Variants in RNF152 observed in about 807,000 individuals in gnomAD.
RNF152 encodes the protein ring finger protein 152.
In RNF152, 11 loss-of-function variants were observed where a neutral mutation model predicts 12.7. The ratio of observed to expected loss-of-function variants is 0.86; its 90% confidence interval spans 0.54 to 1.43. RNF152 has a LOEUF of 1.43. Among genes scored for constraint, RNF152 ranks in the 40% most tolerant of loss-of-function variants. RNF152 has a pLI of 0.00. For missense variants in RNF152, 255 were observed against 274.8 expected, an observed-to-expected ratio of 0.93 and a Z score of 0.51; for synonymous variants, 113 against 120.3, an observed-to-expected ratio of 0.94 and a Z score of 0.40.
intron 1 of RNF152, among the ~76,000 whole-genome samples, chr18:61,842,862 C>A (rs539976716): frequency 6.6e-6 from 1 of 152,126 alleles, no homozygotes; most frequent in Non-Finnish European, 1.5e-5. Context: ...AAGAACAGCA[C>A]GGGAAAGACC....
At chr18:61,829,982 C>T (rs1163724445) in intron 1 of RNF152, among the ~76,000 whole-genome samples, 1 of 151,676 alleles carries the variant, frequency 6.6e-6, no homozygotes, top group Non-Finnish European at 1.5e-5. Context: ...CTTTAAGTCA[C>T]CATCATGTGT....
intron 1 of RNF152, among the ~76,000 whole-genome samples, chr18:61,820,477 G>GTGCACAGACAGCA (rs1269741858): frequency 5.3e-5 from 8 of 151,178 alleles, no homozygotes; most frequent in Non-Finnish European, 8.8e-5. Context: ...CCAGGTGAAA[G>GTGCACAGACAGCA]TGCACAGACA....
chr18:61,850,934 G>A (rs566084944), intron 1 of RNF152, among the ~76,000 whole-genome samples: 1 of 152,060 alleles, frequency 6.6e-6, no homozygotes, highest in East Asian at 1.9e-4. Context: ...ACACGGAAAT[G>A]CCCAGTCATC....
chr18:61,870,199 G>C (rs1175262190), intron 1 of RNF152, among the ~76,000 whole-genome samples: 1 of 152,158 alleles, frequency 6.6e-6, no homozygotes, highest in East Asian at 1.9e-4. Context: ...TGTCGGGATG[G>C]GGGTGTGGAA....
At chr18:61,874,196 A>C (rs537757475) in intron 1 of RNF152, among the ~76,000 whole-genome samples, 1 of 152,376 alleles carries the variant, frequency 6.6e-6, no homozygotes, top group Non-Finnish European at 1.5e-5. Context: ...AAAATGACAT[A>C]ATAATTTCCC....
At chr18:61,846,342 A>T (rs1344945055) in intron 1 of RNF152, among the ~76,000 whole-genome samples, 2 of 152,166 alleles carry the variant, frequency 1.3e-5, no homozygotes, top group African/African-American at 2.4e-5. Flanking sequence ...ACAGTCTCTT[A>T]TTACCAAATA....
At chr18:61,825,033 T>C (rs528529737) in intron 1 of RNF152, among the ~76,000 whole-genome samples, 1 of 152,098 alleles carries the variant, frequency 6.6e-6, no homozygotes, top group Admixed American at 6.5e-5. Flanking sequence ...AACTGACAAA[T>C]CAAGCACACA....
intron 1 of RNF152, among the ~76,000 whole-genome samples, chr18:61,884,190 CT>C (rs1912589225): frequency 6.6e-6 from 1 of 151,834 alleles, no homozygotes; most frequent in Non-Finnish European, 1.5e-5. Context: ...CTCTCCTGTT[CT>C]TACACTAACT....
intron 1 of RNF152, among the ~76,000 whole-genome samples, chr18:61,840,085 C>T (rs1050249733): frequency 3.3e-5 from 5 of 152,092 alleles, no homozygotes; most frequent in Admixed American, 6.5e-5. Context: ...CCCATGGGCA[C>T]AGCTAGAAAA....
upstream of RNF152, chr18:61,894,260 C>T (rs1182194125): frequency 1.3e-5 from 2 of 150,196 alleles, no homozygotes; most frequent in African/African-American, 4.9e-5. This position sits in a 1 kb window ranked among gnomAD's most constrained non-coding sequence, Gnocchi z 4.9. Context: ...GCGCCCCGGG[C>T]CGGCGGCCGC....
intron 1 of RNF152, among the ~76,000 whole-genome samples, chr18:61,821,767 T>C (rs946593651): frequency 3.3e-5 from 5 of 152,230 alleles, no homozygotes; most frequent in East Asian, 3.8e-4. Flanking sequence ...AGATCAGCGA[T>C]GGCATTAGAT....
rs1912857544 is a variant in RNF152, at chr18:61,809,553, T to C, written c.*6299A>G. On this transcript the variant is annotated 3_prime_UTR_variant, in exon 2 of 2. Coordinates refer to ENST00000312828, the MANE Select transcript of RNF152 (RefSeq NM_173557.3). The stretch of plus-strand genomic sequence containing the variant: ...ACACCCCAAGGAGATTACAGAAGAC[T>C]TTCACATGGGCTACTAGCCCTACAT... The C allele has an allele frequency of 6.6e-6, 1 of 152,162 alleles. No individual in the cohort carries two copies. Among genetic ancestry groups the C allele is most frequent in the Non-Finnish European group, 1.5e-5 (1 of 68,024 alleles). 9.4% of individuals were successfully genotyped at this position (152,162 alleles called of 1,614,324 possible).
chr18:61,833,424 C>T (rs1032263234), intron 1 of RNF152, among the ~76,000 whole-genome samples: 1 of 152,178 alleles, frequency 6.6e-6, no homozygotes, highest in Non-Finnish European at 1.5e-5. Flanking sequence ...ATTCACAATG[C>T]CCCACTGCTA....
intron 1 of RNF152, among the ~76,000 whole-genome samples, chr18:61,873,251 A>G (rs1363405430): frequency 6.6e-6 from 1 of 152,264 alleles, no homozygotes; most frequent in African/African-American, 2.4e-5. Context: ...CAAGTATATT[A>G]GCAATTTTTT....
intron 1 of RNF152, among the ~76,000 whole-genome samples, chr18:61,842,437 G>T (rs181062968): frequency 2.8e-4 from 42 of 152,282 alleles, no homozygotes; most frequent in African/African-American, 9.9e-4. Flanking sequence ...CTGGAACAAG[G>T]CTGGCAGCTG....
At chr18:61,851,644 T>C (rs1406559098) in intron 1 of RNF152, among the ~76,000 whole-genome samples, 1 of 152,194 alleles carries the variant, frequency 6.6e-6, no homozygotes, top group Non-Finnish European at 1.5e-5. Flanking sequence ...TGAGACAATA[T>C]AATCCAGACT....
intron 1 of RNF152, among the ~76,000 whole-genome samples, chr18:61,858,791 A>G (rs1911335793): frequency 6.6e-6 from 1 of 152,190 alleles, no homozygotes; most frequent in Non-Finnish European, 1.5e-5. Context: ...TCAGCAACCT[A>G]TTAATTGCCT....
At chr18:61,817,030 C>A (rs1191668242) in intron 1 of RNF152, among the ~76,000 whole-genome samples, 2 of 152,148 alleles carry the variant, frequency 1.3e-5, no homozygotes, top group Non-Finnish European at 2.9e-5. Flanking sequence ...ACTCTACTTA[C>A]CCACTTGTAA....
intron 1 of RNF152, among the ~76,000 whole-genome samples, chr18:61,844,322 T>C (rs1297652360): frequency 6.6e-6 from 1 of 152,318 alleles, no homozygotes; most frequent in East Asian, 1.9e-4. Flanking sequence ...ATACTAATCA[T>C]TTTGTATGAA....
Sources: gnomAD v4.1 joint callset for allele counts (sites outside exome capture counted in the v4.1 genomes callset) on GRCh38, gnomAD v4.1.1 for gene constraint, Gnocchi (gnomAD v3.1) non-coding constraint, MANE v1.5 for transcripts, NCBI Gene and HGNC (gene_info 2026-07-23, HGNC 2026-07-21) for gene names.